The following PI3 variants were observed in gnomAD, a reference collection of about 807,000 sequenced individuals.
PI3 encodes the protein elafin.
PI3 carries 4 observed loss-of-function variants against 6.0 expected under a neutral mutation model. That is an observed-to-expected ratio of 0.67 (90% CI 0.33 to 1.54). The LOEUF (loss-of-function observed/expected upper bound fraction) is 1.54. Among genes scored for constraint, PI3 ranks in the 40% most tolerant of loss-of-function variants. PI3 has a pLI of 0.06. For synonymous variants in PI3, 58 were observed against 56.9 expected (o/e 1.02, Z -0.09); for missense variants, 149 against 147.6 (o/e 1.01, Z -0.05).
At position 45,176,147 on chromosome 20, in the gene PI3, G is replaced by A. The variant is rs749615803; in HGVS notation, c.*1+11G>A. On this transcript the variant is annotated intron_variant, in intron 2 of 2. Transcript: ENST00000243924. ...TCGTTCCCCAGTGAGGTGAGCACTAGCTGGAGAACGAGGAGACCCCTGAAG... is the reference window on the plus strand; with the variant it reads ...TCGTTCCCCAGTGAGGTGAGCACTAACTGGAGAACGAGGAGACCCCTGAAG... 8.1e-6 allele frequency: 13 copies of A among 1,613,454 alleles called. No individual in the cohort carries two copies. The highest frequency in any genetic ancestry group is 3.3e-5 in the Admixed American group (2 of 59,990).
Position 45,176,445 on chromosome 20 carries a change from T to G in PI3, c.*77T>G. On this transcript the variant is annotated 3_prime_UTR_variant, in exon 3 of 3. Transcript: ENST00000243924. ...ATCTGGTCCTAAGTCCCTGCTGCCCTTCCCCTTCCCACACTGTCCATTCTT... is the reference window on the plus strand; with the variant it reads ...ATCTGGTCCTAAGTCCCTGCTGCCCGTCCCCTTCCCACACTGTCCATTCTT... 1 of 391,904 alleles carries G rather than the reference T, an allele frequency of 2.6e-6. No individual in the cohort carries two copies. Among genetic ancestry groups the G allele is most frequent in the Admixed American group, 4.0e-5 (1 of 24,874 alleles). The allele number at this position is 391,904 out of a possible 1,614,324, so 24.3% of individuals were successfully genotyped here.
chr20:45,175,836 G>A (rs1240627032), intron 1 of PI3, 25 bp from the exon 2 acceptor site: 3 of 1,612,390 alleles, frequency 1.9e-6, no homozygotes, highest in South Asian at 2.2e-5. Flanking sequence ...GGGTATAAAT[G>A]TGGGCTCGTT....
Position 45,175,872 on chromosome 20 carries a change from G to A in PI3, c.91G>A (p.Gly31Ser). ...TCTTCTTTTAACAGTTCCTGTTAAA[G>A]GTCAAGACACTGTCAAAGGCCGTGT... ...EAAVTGVPVKGQDTVKGRVPF... is the reference protein window; with the variant it reads ...EAAVTGVPVKSQDTVKGRVPF... Residue 31 changes from glycine to serine, a missense_variant, in exon 2 of 3, where the codon GGT (glycine) becomes AGT (serine). Physicochemically the swap from Gly to Ser is moderately conservative, Grantham distance 56. Transcript: ENST00000243924. The A allele has an allele frequency of 6.2e-7, 1 of 1,614,112 alleles. No individual in the cohort carries two copies. Among genetic ancestry groups the A allele is most frequent in the East Asian group, 2.2e-5 (1 of 44,880 alleles).
In PI3 at chr20:45,176,052, C is replaced by G; in HGVS notation, c.271C>G (p.Arg91Gly). 2 of 1,614,126 alleles carry G rather than the reference C, an allele frequency of 1.2e-6. No homozygotes were observed. Among genetic ancestry groups the G allele is most frequent in the African/African-American group, 1.3e-5 (1 of 75,024 alleles). The change falls in exon 2 of 3, where the codon CGC becomes GGC. Residue 91 changes from arginine (R) to glycine (G), a missense_variant. Transcript: ENST00000243924. ...GTGCGCCATGTTGAATCCCCCTAAC[C>G]GCTGCTTGAAAGATACTGACTGCCC... ...IRCAMLNPPNRCLKDTDCPGI... is the reference protein window; with the variant it reads ...IRCAMLNPPNGCLKDTDCPGI...
At position 45,176,117 on chromosome 20, in the gene PI3, C is replaced by T. The variant is rs1368569484; in HGVS notation, c.336C>T (p.Ala112=). The T allele has an allele frequency of 1.2e-6, 2 of 1,614,062 alleles. No individual in the cohort carries two copies. Among genetic ancestry groups the T allele is most frequent in the East Asian group, 2.2e-5 (1 of 44,870 alleles). ...KKCCEGSCGM[A]CFVPQ is the part of the protein sequence containing the mutation. ...GCTGTGAAGGCTCTTGCGGGATGGC[C>T]TGTTTCGTTCCCCAGTGAGGTGAGC... Residue 112 remains alanine, a synonymous_variant, in exon 2 of 3, where the codon GCC becomes GCT. Transcript: ENST00000243924.
chr20:45,174,916 T>C lies in PI3; in HGVS notation c.-7T>C, dbSNP rs1050815983. 6.2e-7 allele frequency: 1 copy of C among 1,610,646 alleles called. No homozygotes were observed. Among genetic ancestry groups the C allele is most frequent in the Non-Finnish European group, 8.5e-7 (1 of 1,177,830 alleles). On this transcript the variant is annotated 5_prime_UTR_variant, in exon 1 of 3. Coordinates refer to ENST00000243924, the MANE Select transcript of PI3 (RefSeq NM_002638.4). ...CTTAGCTCTTAGCCAAACACCTTCC[T>C]GACACCATGAGGGCCAGCAGCTTCT...
chr20:45,175,765 G>A lies in PI3; in HGVS notation c.80-96G>A, dbSNP rs1056727800. ...CAGGCCATGGTTTGAGGATGCTGCA[G>A]TAAGCAGTGGATGGACCCAGACCCA... is the stretch of plus-strand genomic sequence containing the variant. On this transcript the variant is annotated intron_variant, in intron 1 of 2. Transcript: ENST00000243924. 3.1e-6 allele frequency: 4 copies of A among 1,278,942 alleles called. No individual in the cohort carries two copies. The African/African-American group carries it at 5.9e-5, about 19-fold the overall frequency. 79.2% of individuals were successfully genotyped at this position (1,278,942 alleles called of 1,614,324 possible).
At position 45,175,923 on chromosome 20, in the gene PI3, A is replaced by G; in HGVS notation, c.142A>G (p.Lys48Glu). 6.2e-7 allele frequency: 1 copy of G among 1,614,228 alleles called. No individual in the cohort carries two copies. Among genetic ancestry groups the G allele is most frequent in the South Asian group, 1.1e-5 (1 of 91,086 alleles). ...RVPFNGQDPV[K>E]GQVSVKGQDK... ...TCCATTCAATGGACAAGATCCCGTTAAAGGACAAGTTTCAGTTAAAGGTCA... is the reference window on the plus strand; with the variant it reads ...TCCATTCAATGGACAAGATCCCGTTGAAGGACAAGTTTCAGTTAAAGGTCA... Residue 48 changes from lysine to glutamate, a missense_variant, in exon 2 of 3, where the codon AAA (lysine) becomes GAA (glutamate). Physicochemically the swap from Lys to Glu is moderately conservative, Grantham distance 56. Coordinates refer to ENST00000243924, the MANE Select transcript of PI3 (RefSeq NM_002638.4).
At chr20:45,175,037 C>T in intron 1 of PI3, 36 bp downstream of exon 1, 1 of 1,561,814 alleles carries the variant, frequency 6.4e-7, no homozygotes, top group Non-Finnish European at 8.8e-7. Flanking sequence ...CTGGGTTGGA[C>T]TAAGGGGAGA....
At chr20:45,175,783 C>T in intron 1 of PI3, 78 bp from the exon 2 acceptor site, 1 of 1,500,606 alleles carries the variant, frequency 6.7e-7, no homozygotes, top group Non-Finnish European at 9.2e-7. Context: ...TGGATGGACC[C>T]AGACCCAGAG....
chr20:45,176,327 T>G, intron 2 of PI3, 43 bp from the exon 3 acceptor site: 1 of 612,172 alleles, frequency 1.6e-6, no homozygotes, highest in East Asian at 2.8e-5. Flanking sequence ...TCTGAGTGCT[T>G]TGATGTGCTG....
At chr20:45,175,080 C>G in intron 1 of PI3, 79 bp downstream of exon 1, 1 of 1,082,456 alleles carries the variant, frequency 9.2e-7, no homozygotes, top group Non-Finnish European at 1.3e-6. Flanking sequence ...GGACAGGGAG[C>G]ACTTCTGAAG....
At chr20:45,176,175 A>G (rs1426389281) in intron 2 of PI3, 39 bp downstream of exon 2, 19 of 1,606,108 alleles carry the variant, frequency 1.2e-5, no homozygotes, top group Admixed American at 5.0e-5. Context: ...CCCTGAAGAC[A>G]CAAAAGAAGG....
In PI3 at chr20:45,176,051, C is replaced by T. The variant is rs150180217; in HGVS notation, c.270C>T (p.Asn90=). Residue 90 remains asparagine (N), a synonymous_variant, in exon 2 of 3, where the codon AAC becomes AAT. Coordinates refer to ENST00000243924, the MANE Select transcript of PI3 (RefSeq NM_002638.4). ...LIRCAMLNPP[N]RCLKDTDCPG... ...GGTGCGCCATGTTGAATCCCCCTAA[C>T]CGCTGCTTGAAAGATACTGACTGCC... 4 of 1,614,082 alleles carry T rather than the reference C, an allele frequency of 2.5e-6. No individual in the cohort carries two copies. Among genetic ancestry groups the T allele is most frequent in the Admixed American group, 3.3e-5 (2 of 59,996 alleles).
intron 1 of PI3, 112 bp from the exon 2 acceptor site, chr20:45,175,749 G>A (rs1253680185): frequency 8.9e-7 from 1 of 1,123,680 alleles, no homozygotes; most frequent in Non-Finnish European, 1.3e-6. Flanking sequence ...TCAGGCCATG[G>A]TTTGAGGATG....
chr20:45,175,744 C>A, intron 1 of PI3, 117 bp from the exon 2 acceptor site: 1 of 1,064,874 alleles, frequency 9.4e-7, no homozygotes, highest in Non-Finnish European at 1.4e-6. Context: ...CCTACTCAGG[C>A]CATGGTTTGA....
chr20:45,176,218 G>C (rs1257670574), intron 2 of PI3, 82 bp downstream of exon 2: 23 of 1,446,998 alleles, frequency 1.6e-5, no homozygotes, highest in Non-Finnish European at 2.1e-5. Flanking sequence ...AGGTTGGTGG[G>C]AGGGAGGTTG....
rs144183069 is a variant in PI3 at position 45,175,071 on chromosome 20, G to C, written c.79+70G>C. 1.9e-3 allele frequency: 2,227 copies of C among 1,196,308 alleles called. 20 individuals are homozygous for C. The highest frequency in any genetic ancestry group is 0.015 in the South Asian group (1,063 of 72,070). 74.1% of individuals were successfully genotyped at this position (1,196,308 alleles called of 1,614,324 possible). ...GACCCTCTGGGACACCCTGGGCCAG[G>C]ACAGGGAGCACTTCTGAAGCAGTAG... On this transcript the variant is annotated intron_variant, in intron 1 of 2. Transcript: ENST00000243924.
rs1982781197 is a variant in PI3, at chr20:45,175,892, C to T, written c.111C>T (p.Gly37=). The stretch of plus-strand genomic sequence containing the variant: ...TTAAAGGTCAAGACACTGTCAAAGG[C>T]CGTGTTCCATTCAATGGACAAGATC... ...VPVKGQDTVK[G]RVPFNGQDPV... is the part of the protein sequence containing the mutation. The change falls in exon 2 of 3, where the codon GGC becomes GGT. Residue 37 remains glycine, a synonymous_variant. Transcript: ENST00000243924. The T allele has an allele frequency of 1.9e-6, 3 of 1,613,966 alleles. No homozygotes were observed. Among genetic ancestry groups the T allele is most frequent in the Admixed American group, 3.3e-5 (2 of 60,000 alleles).
Sources: gnomAD v4.1 joint callset for allele counts on GRCh38, gnomAD v4.1.1 for gene constraint, MANE v1.5 for transcripts, NCBI Gene and HGNC (gene_info 2026-07-23, HGNC 2026-07-21) for gene names.